The following SP140 variants were observed in gnomAD, a reference collection of about 807,000 sequenced individuals.
SP140 encodes nuclear body protein SP140.
SP140 carries 81 observed loss-of-function variants against 125.0 expected under a neutral mutation model. The ratio of observed to expected loss-of-function variants is 0.65; its 90% CI spans 0.54 to 0.78. The LOEUF (loss-of-function observed/expected upper bound fraction) is 0.78. SP140 is among the 30% of genes least tolerant of loss of function. The pLI is 0.00. For missense variants in SP140, 858 were observed against 1,037.0 expected (o/e 0.83, Z 2.37); for synonymous variants, 312 against 354.0 (o/e 0.88, Z 1.33).
chr2:230,225,044 A>G (rs141140613), upstream of SP140, among the ~76,000 whole-genome samples: 419 of 152,350 alleles, frequency 2.8e-3, 2 homozygotes, highest in Non-Finnish European at 5.0e-3. Flanking sequence ...ATCCTCCTGT[A>G]TCATATTGTC....
chr2:230,196,446 T>C, the SP140 span, among the ~76,000 whole-genome samples: 2 of 152,116 alleles, frequency 1.3e-5, no homozygotes, highest in Non-Finnish European at 2.9e-5. Flanking sequence ...TGAGCTTATA[T>C]ATAAAAAGAA....
At chr2:230,284,299 T>C in intron 15 of SP140, 47 bp from the exon 16 acceptor site, 1 of 1,525,468 alleles carries the variant, frequency 6.6e-7, no homozygotes, top group Non-Finnish European at 8.9e-7. Flanking sequence ...CTCAGAGAAT[T>C]ATATTTATAC....
intron 1 of SP140, chr2:230,212,314 G>A (rs1467338848): frequency 1.3e-6 from 2 of 1,510,400 alleles, no homozygotes; most frequent in Non-Finnish European, 1.8e-6. Context: ...CAGTCACCTT[G>A]AGCTAAGCGG....
At position 230,287,840 on chromosome 2, in the gene SP140, T is replaced by G. The variant is rs1305778184; in HGVS notation, c.1646-52T>G. The G allele has an allele frequency of 1.1e-5, 16 of 1,463,010 alleles. No individual in the cohort carries two copies. In the East Asian group the frequency reaches 3.7e-4, roughly 33 times the overall value. 90.6% of individuals were successfully genotyped at this position (1,463,010 alleles called of 1,614,324 possible). On this transcript the variant is annotated intron_variant, in intron 17 of 26. Coordinates refer to ENST00000392045, the MANE Select transcript of SP140 (RefSeq NM_007237.5). ...GGAATTTTTGAAAAGCTGTAATATG[T>G]GTAATACAGCTGCTCATAAATGACT...
intron 15 of SP140, among the ~76,000 whole-genome samples, chr2:230,271,656 C>A (rs1325041444): frequency 6.6e-6 from 1 of 152,082 alleles, no homozygotes; most frequent in Non-Finnish European, 1.5e-5. Flanking sequence ...GTTGTGGTGT[C>A]TTTTGCTAAT....
chr2:230,221,541 G>A (rs1419197938), upstream of SP140, among the ~76,000 whole-genome samples: 1 of 152,210 alleles, frequency 6.6e-6, no homozygotes, highest in African/African-American at 2.4e-5. Flanking sequence ...GGCTGTGGGT[G>A]AAACAGAGGC....
At chr2:230,228,944 T>C (rs1559207507) in intron 1 of SP140, among the ~76,000 whole-genome samples, 1 of 152,164 alleles carries the variant, frequency 6.6e-6, no homozygotes, top group Non-Finnish European at 1.5e-5. Flanking sequence ...AAATGTTTCA[T>C]TGTACCTATC....
In SP140 at chr2:230,237,302, T is replaced by G; in HGVS notation, c.237+42T>G. On this transcript the variant is annotated intron_variant, in intron 2 of 26. Coordinates refer to ENST00000392045, the MANE Select transcript of SP140 (RefSeq NM_007237.5). The surrounding 1 kb of genome is among the most constrained non-coding windows in gnomAD (Gnocchi z 5.4). ...AAATGATGATAAACCAGGTCCATAC[T>G]CAATTATGCCAAACTTCAAGATGCA... 6.4e-7 allele frequency: 1 copy of G among 1,572,568 alleles called. No individual in the cohort carries two copies. Among genetic ancestry groups the G allele is most frequent in the Non-Finnish European group, 8.7e-7 (1 of 1,152,766 alleles).
intron 3 of SP140, chr2:230,219,747 T>C (rs908436204): frequency 5.6e-6 from 1 of 179,508 alleles, no homozygotes; most frequent in Non-Finnish European, 1.1e-5. Flanking sequence ...GTACCACATG[T>C]CTGAGCTCTG....
At chr2:230,290,419 C>T in intron 18 of SP140, 41 bp from the exon 19 acceptor site, 1 of 1,592,900 alleles carries the variant, frequency 6.3e-7, no homozygotes. Flanking sequence ...GGGGACGTGC[C>T]TTTGCAAAGT....
At chr2:230,300,765 C>T (rs2058214636) in intron 22 of SP140, among the ~76,000 whole-genome samples, 2 of 152,290 alleles carry the variant, frequency 1.3e-5, no homozygotes, top group African/African-American at 2.4e-5. Context: ...CAAAAGATCA[C>T]GTTAGCTCAC....
At chr2:230,217,446 G>GA (rs2148957426) in intron 3 of SP140, among the ~76,000 whole-genome samples, 1 of 152,264 alleles carries the variant, frequency 6.6e-6, no homozygotes, top group East Asian at 1.9e-4. Context: ...GAGAGTGACT[G>GA]AAAATATAAT....
chr2:230,222,690 T>C (rs986013139), upstream of SP140, among the ~76,000 whole-genome samples: 1 of 149,786 alleles, frequency 6.7e-6, no homozygotes, highest in Non-Finnish European at 1.5e-5. Flanking sequence ...AGTGAGACCC[T>C]GTCTCAAAAA....
chr2:230,309,863 G>A, intron 22 of SP140, 61 bp from the exon 23 acceptor site: 5 of 1,576,738 alleles, frequency 3.2e-6, no homozygotes, highest in Non-Finnish European at 4.4e-6. Context: ...TAGTTGCCCA[G>A]AGGGTTGGCC....
At chr2:230,233,333 C>G (rs917234868) in intron 1 of SP140, among the ~76,000 whole-genome samples, 2 of 151,658 alleles carry the variant, frequency 1.3e-5, no homozygotes, top group African/African-American at 2.4e-5. Context: ...AAAACTTTAC[C>G]AAGATATCGC....
Position 230,308,020 on chromosome 2 carries a change from G to C in SP140, c.2059-1904G>C, listed in dbSNP as rs201923758. 3.7e-4 allele frequency among the ~76,000 whole-genome samples: 41 copies of C among 110,076 alleles called. No individual in the cohort carries two copies. In the East Asian group the frequency reaches 6.9e-3, roughly 18 times the overall value. The allele number at this position is 110,076 out of a possible 152,430, so 72.2% of individuals were successfully genotyped here. A position where few individuals can be genotyped will look rare whatever the true frequency, so the allele number is the denominator to read the frequency against. On this transcript the variant is annotated intron_variant, in intron 22 of 26. Transcript: ENST00000392045. ...ACACACACACACACACACACACAGA[G>C]ACACACACACACACACACCATGGAA...
intron 12 of SP140, among the ~76,000 whole-genome samples, chr2:230,255,911 G>A (rs1306986382): frequency 6.6e-6 from 1 of 152,118 alleles, no homozygotes; most frequent in Non-Finnish European, 1.5e-5. Context: ...TTAAGATGGG[G>A]GCAGGCAAAC....
chr2:230,253,268 G>A lies in SP140; in HGVS notation c.1058-48G>A, dbSNP rs374101018. ...TTAGCATTTTCCCATCTTGGATGGC[G>A]TGAATGCACTGAGGTCTGTGTCCAA... On this transcript the variant is annotated intron_variant, in intron 10 of 26. Coordinates refer to ENST00000392045, the MANE Select transcript of SP140 (RefSeq NM_007237.5). 91 of 1,352,096 alleles carry A rather than the reference G, an allele frequency of 6.7e-5. No individual in the cohort carries two copies. In the East Asian group the frequency reaches 1.0e-3, roughly 15 times the overall value. The allele number at this position is 1,352,096 out of a possible 1,614,324, so 83.8% of individuals were successfully genotyped here.
intron 1 of SP140, among the ~76,000 whole-genome samples, chr2:230,231,268 T>C (rs1437532586): frequency 6.6e-6 from 1 of 152,262 alleles, no homozygotes; most frequent in Non-Finnish European, 1.5e-5. Flanking sequence ...GTTTTGATGA[T>C]TACTTTGTCT....
Sources: gnomAD v4.1 joint callset for allele counts (sites outside exome capture counted in the v4.1 genomes callset) on GRCh38, gnomAD v4.1.1 for gene constraint, Gnocchi (gnomAD v3.1) non-coding constraint, MANE v1.5 for transcripts, NCBI Gene and HGNC (gene_info 2026-07-23, HGNC 2026-07-21) for gene names.